The following IFNL2 variants were observed in gnomAD, a reference collection of about 807,000 sequenced individuals.
IFNL2 encodes interferon lambda 2, also known as interferon lambda-2.
Under a neutral mutation model 18.7 loss-of-function variants are expected in IFNL2, and 17 were observed. The ratio of observed to expected loss-of-function variants is 0.91; its 90% confidence interval spans 0.62 to 1.36. IFNL2 has a LOEUF of 1.36. Ranked by LOEUF, IFNL2 falls within the 40% of genes most tolerant of loss-of-function variation. IFNL2 has a pLI of 0.00. For missense variants in IFNL2, 225 were observed against 257.3 expected, an observed-to-expected ratio of 0.87 and a Z score of 0.86; for synonymous variants, 96 against 113.4, an observed-to-expected ratio of 0.85 and a Z score of 0.98.
chr19:39,268,979 A>G, intron 2 of IFNL2, 121 bp downstream of exon 2: 1 of 1,380,732 alleles, frequency 7.2e-7, no homozygotes, highest in Non-Finnish European at 9.9e-7. Flanking sequence ...GCAGTGGGCT[A>G]TCTCATGCTC....
At position 39,268,403 on chromosome 19, in the gene IFNL2, A is replaced by T; in HGVS notation, c.-166A>T. On this transcript the variant is annotated 5_prime_UTR_variant, in exon 1 of 6. Transcript: ENST00000331982. The stretch of plus-strand genomic sequence containing the variant: ...GCCCCATGGAGCTCAGGCAGGAATT[A>T]CATCCCAGACAGAGCTCAAAACTGA... 1 of 652,382 alleles carries T rather than the reference A, an allele frequency of 1.5e-6. No individual in the cohort carries two copies. Among genetic ancestry groups the T allele is most frequent in the South Asian group, 1.9e-5 (1 of 51,546 alleles). The allele number at this position is 652,382 out of a possible 1,614,324, so 40.4% of individuals were successfully genotyped here.
At chr19:39,269,318 T>TCC (rs1491417000) in intron 3 of IFNL2, 89 bp downstream of exon 3, 17 of 1,475,402 alleles carry the variant, frequency 1.2e-5, no homozygotes, top group East Asian at 7.4e-5. Context: ...TTCTCCCTTG[T>TCC]CTCTCTCTCT....
At position 39,268,658 on chromosome 19, in the gene IFNL2, C is replaced by T; in HGVS notation, c.11-19C>T. ...GCAGCCTCTCCATCCCCTCAGCTCC[C>T]TTTCTCTCTGTGACACAGACATGAC... On this transcript the variant is annotated intron_variant, in intron 1 of 5. Coordinates refer to ENST00000331982, the MANE Select transcript of IFNL2 (RefSeq NM_172138.2). 1 of 1,613,830 alleles carries T rather than the reference C, an allele frequency of 6.2e-7. No individual in the cohort carries two copies. The highest frequency in any genetic ancestry group is 8.5e-7 in the Non-Finnish European group (1 of 1,179,868).
intron 3 of IFNL2, 37 bp from the exon 4 acceptor site, chr19:39,269,451 C>T (rs1269503308): frequency 6.2e-7 from 1 of 1,611,188 alleles, no homozygotes. Context: ...GTTCCCCTCA[C>T]CTCCCCCCTC....
rs370031714 is a variant in IFNL2, at chr19:39,269,880, C to T, written c.505-35C>T. The T allele has an allele frequency of 2.3e-4, 364 of 1,608,226 alleles. 3 individuals are homozygous for T. The highest frequency in any genetic ancestry group is 2.1e-3 in the African/African-American group (156 of 74,826). On this transcript the variant is annotated intron_variant, in intron 5 of 5. Transcript: ENST00000331982. ...GGGGAGCCACTGGGAGCCCAGAACC[C>T]AGACAGCCCCTGACCCATCCCCTCC...
rs2075030502 is a variant in IFNL2, at chr19:39,270,014, C to G, written c.*1C>G. The G allele has an allele frequency of 7.5e-6, 12 of 1,589,996 alleles. No individual in the cohort carries two copies. Among genetic ancestry groups the G allele is most frequent in the Non-Finnish European group, 1.0e-5 (12 of 1,167,640 alleles). On this transcript the variant is annotated 3_prime_UTR_variant, in exon 6 of 6. Transcript: ENST00000331982. ...TGCCAGTGGGGACCTGTGTGTCTGACCCTCCCACCAGTCATGCAACCTGAG... is the reference window on the plus strand; with the variant it reads ...TGCCAGTGGGGACCTGTGTGTCTGAGCCTCCCACCAGTCATGCAACCTGAG...
Position 39,270,083 on chromosome 19 carries a change from C to T in IFNL2, c.*70C>T. 46 of 1,492,516 alleles carry T rather than the reference C, an allele frequency of 3.1e-5. No individual in the cohort carries two copies. The highest frequency in any genetic ancestry group is 4.2e-5 in the Non-Finnish European group (46 of 1,094,848). The allele number at this position is 1,492,516 out of a possible 1,614,324, so 92.5% of individuals were successfully genotyped here. On this transcript the variant is annotated 3_prime_UTR_variant, in exon 6 of 6. Transcript: ENST00000331982. ...CCACTTGTCTTAATTTATTGCCACC[C>T]AGTCGCTATTTATGTATTTGTGTGT... is the stretch of plus-strand genomic sequence containing the variant.
rs1302784029 is a variant in IFNL2, at chr19:39,268,630, T to C, written c.11-47T>C. On this transcript the variant is annotated intron_variant, in intron 1 of 5. Coordinates refer to ENST00000331982, the MANE Select transcript of IFNL2 (RefSeq NM_172138.2). Reference sequence around the variant, plus strand: ...CAGCTCCTGCAGCCCCTGCCCTCAGTGGGCAGCCTCTCCATCCCCTCAGCT... The same window carrying C: ...CAGCTCCTGCAGCCCCTGCCCTCAGCGGGCAGCCTCTCCATCCCCTCAGCT... 8 of 1,613,814 alleles carry C rather than the reference T, an allele frequency of 5.0e-6. No homozygotes were observed. In the Admixed American group the frequency reaches 1.0e-4, roughly 20 times the overall value.
rs1464051478 is a variant in IFNL2 at position 39,270,024 on chromosome 19, A to G, written c.*11A>G. On this transcript the variant is annotated 3_prime_UTR_variant, in exon 6 of 6. Transcript: ENST00000331982. ...GACCTGTGTGTCTGACCCTCCCACC[A>G]GTCATGCAACCTGAGATTTTATTTA... is the stretch of plus-strand genomic sequence containing the variant. The G allele has an allele frequency of 1.3e-6, 2 of 1,578,814 alleles. No homozygotes were observed. The highest frequency in any genetic ancestry group is 3.3e-4 in the Middle Eastern group (2 of 6,022).
chr19:39,269,362 C>T (rs955169112), intron 3 of IFNL2, 126 bp from the exon 4 acceptor site: 7 of 1,491,040 alleles, frequency 4.7e-6, no homozygotes, highest in Non-Finnish European at 6.4e-6. Context: ...CCCTCCGCTC[C>T]CACCTGACCA....
chr19:39,270,149 C>T lies in IFNL2; in HGVS notation c.*136C>T, dbSNP rs1273292090. The stretch of plus-strand genomic sequence containing the variant: ...CTCCAGGAAAATGTTTATTTTTCTA[C>T]TTTTTATAACCCTTGTTGAAATAAA... On this transcript the variant is annotated 3_prime_UTR_variant, in exon 6 of 6. Transcript: ENST00000331982. 4.0e-6 allele frequency: 4 copies of T among 992,478 alleles called. No homozygotes were observed. In the Admixed American group the frequency reaches 1.0e-4, roughly 25 times the overall value. The allele number at this position is 992,478 out of a possible 1,614,324, so 61.5% of individuals were successfully genotyped here.
rs553114 is a variant in IFNL2 at position 39,268,902 on chromosome 19, C to G, written c.192+44C>G. On this transcript the variant is annotated intron_variant, in intron 2 of 5. Transcript: ENST00000331982. ...TCCTGCCATGGACTAGCCTCCACCC[C>G]CACTCCAAGCGTCACCATGCTTTCC... 3.3e-3 allele frequency: 5,137 copies of G among 1,578,960 alleles called. 42 individuals carry two copies. The African/African-American group carries it at 0.043, about 13-fold the overall frequency.
chr19:39,268,743 T>C lies in IFNL2; in HGVS notation c.77T>C (p.Val26Ala), dbSNP rs777420552. The C allele has an allele frequency of 1.9e-6, 3 of 1,613,240 alleles. No homozygotes were observed. The highest frequency in any genetic ancestry group is 1.3e-5 in the African/African-American group (1 of 74,340). ...GCAGTGCTGACCGTGACTGGAGCAGTTCCTGTCGCCAGGCTCCACGGGGCT... is the reference window on the plus strand; with the variant it reads ...GCAGTGCTGACCGTGACTGGAGCAGCTCCTGTCGCCAGGCTCCACGGGGCT... ...MAAVLTVTGA[V>A]PVARLHGALP... The change falls in exon 2 of 6, where the codon GTT becomes GCT. Residue 26 changes from valine (V) to alanine (A), a missense_variant. Transcript: ENST00000331982.
In IFNL2 at chr19:39,269,454, C is replaced by G. The variant is rs374174818; in HGVS notation, c.271-34C>G. On this transcript the variant is annotated intron_variant, in intron 3 of 5. Coordinates refer to ENST00000331982, the MANE Select transcript of IFNL2 (RefSeq NM_172138.2). ...GCTCCCCAACCTGTTCCCCTCACCT[C>G]CCCCCTCACCTGCTCTTTCTCACCT... 2.4e-4 allele frequency: 388 copies of G among 1,610,614 alleles called. 4 individuals are homozygous for G. Among genetic ancestry groups the G allele is most frequent in the African/African-American group, 2.1e-3 (161 of 74,970 alleles).
Position 39,269,956 on chromosome 19 carries a change from C to T in IFNL2, c.546C>T (p.Leu182=). The change falls in exon 6 of 6, where the codon CTC becomes CTT. Residue 182 remains leucine (L), a synonymous_variant. Coordinates refer to ENST00000331982, the MANE Select transcript of IFNL2 (RefSeq NM_172138.2). ...GCLEASVTFN[L]FRLLTRDLNC... ...TCGAGGCCTCTGTCACCTTCAACCT[C>T]TTCCGCCTCCTCACGCGAGACCTGA... The T allele has an allele frequency of 6.2e-7, 1 of 1,603,754 alleles. No homozygotes were observed. The highest frequency in any genetic ancestry group is 8.5e-7 in the Non-Finnish European group (1 of 1,175,014).
intron 3 of IFNL2, 21 bp from the exon 4 acceptor site, chr19:39,269,467 C>T (rs1178031942): frequency 1.2e-6 from 2 of 1,613,828 alleles, no homozygotes; most frequent in Admixed American, 1.7e-5. Flanking sequence ...CCCTCACCTG[C>T]TCTTTCTCAC....
In IFNL2 at chr19:39,268,600, G is replaced by A. The variant is rs181501557; in HGVS notation, c.10+22G>A. Reference sequence around the variant, plus strand: ...CTAGGTGAGTCCCACATCTCTGTCCGTGCTCAGCTCCTGCAGCCCCTGCCC... The same window carrying A: ...CTAGGTGAGTCCCACATCTCTGTCCATGCTCAGCTCCTGCAGCCCCTGCCC... On this transcript the variant is annotated intron_variant, in intron 1 of 5. Transcript: ENST00000331982. The A allele has an allele frequency of 5.3e-3, 8,507 of 1,613,542 alleles. 75 individuals carry two copies. Among genetic ancestry groups the A allele is most frequent in the Middle Eastern group, 0.026 (160 of 6,056 alleles).
Position 39,268,801 on chromosome 19 carries a change from G to A in IFNL2, c.135G>A (p.Gln45=), listed in dbSNP as rs765282881. 6.2e-7 allele frequency: 1 copy of A among 1,613,798 alleles called. No homozygotes were observed. Among genetic ancestry groups the A allele is most frequent in the South Asian group, 1.1e-5 (1 of 91,064 alleles). ...LPDARGCHIA[Q]FKSLSPQELQ... is the part of the protein sequence containing the mutation. Reference sequence around the variant, plus strand: ...ATGCAAGGGGCTGCCACATAGCCCAGTTCAAGTCCCTGTCTCCACAGGAGC... The same window carrying A: ...ATGCAAGGGGCTGCCACATAGCCCAATTCAAGTCCCTGTCTCCACAGGAGC... The change falls in exon 2 of 6, where the codon CAG becomes CAA. Residue 45 remains glutamine (Q), a synonymous_variant. Transcript: ENST00000331982.
rs758145396 is a variant in IFNL2 at position 39,269,931 on chromosome 19, T to A, written c.521T>A (p.Leu174His). The change falls in exon 6 of 6, where the codon CTC (leucine) becomes CAC (histidine). Residue 174 changes from leucine to histidine, a missense_variant. Transcript: ENST00000331982. The stretch of plus-strand genomic sequence containing the variant: ...TCCCTACAGGAGTCCCCTGGCTGCC[T>A]CGAGGCCTCTGTCACCTTCAACCTC... ...EAPKKESPGC[L>H]EASVTFNLFR... 3 of 1,603,782 alleles carry A rather than the reference T, an allele frequency of 1.9e-6. No individual in the cohort carries two copies. In the East Asian group the frequency reaches 6.7e-5, roughly 36 times the overall value.
Sources: gnomAD v4.1 joint callset for allele counts on GRCh38, gnomAD v4.1.1 for gene constraint, MANE v1.5 for transcripts, NCBI Gene and HGNC (gene_info 2026-07-23, HGNC 2026-07-21) for gene names.